ATG4C: variants seen among roughly 807,000 people sequenced by gnomAD.
ATG4C encodes autophagy related 4C cysteine peptidase.
Under a neutral mutation model 57.6 loss-of-function variants are expected in ATG4C, and 56 were observed. The observed-to-expected ratio is 0.97, with a 90% CI of 0.78 to 1.21. ATG4C has a LOEUF of 1.21. ATG4C is among the 50% of genes most tolerant of loss of function. The pLI is 0.00. For missense variants in ATG4C, 595 were observed against 529.8 expected (o/e 1.12, Z -1.21); for synonymous variants, 157 against 174.1 (o/e 0.90, Z 0.78).
chr1:62,864,052 A>G lies in ATG4C; in HGVS notation c.1270A>G (p.Arg424Gly). The G allele has an allele frequency of 6.3e-7, 1 of 1,599,066 alleles. No homozygotes were observed. The highest frequency in any genetic ancestry group is 1.1e-5 in the South Asian group (1 of 88,006). Residue 424 changes from arginine (R) to glycine (G), a missense_variant, in exon 11 of 11, where the codon AGA (arginine) becomes GGA (glycine). By Grantham distance (125) the Arg-to-Gly change is moderately radical. Transcript: ENST00000317868. ...PLFTFVNGHS[R>G]DYDFTSTTTN... ...ATTTACTTTTGTAAATGGTCATTCC[A>G]GAGACTATGATTTTACATCTACTAC...
intron 10 of ATG4C, among the ~76,000 whole-genome samples, chr1:62,855,698 C>T (rs1341641441): frequency 6.6e-6 from 1 of 152,144 alleles, no homozygotes; most frequent in East Asian, 1.9e-4. Flanking sequence ...CCAACCAAAC[C>T]TTCTGAGATA....
intron 9 of ATG4C, among the ~76,000 whole-genome samples, chr1:62,839,268 A>G (rs898119472): frequency 6.6e-6 from 1 of 152,148 alleles, no homozygotes; most frequent in Non-Finnish European, 1.5e-5. Flanking sequence ...ATGATGCACA[A>G]GCTGGTTTCA....
chr1:62,821,911 G>A lies in ATG4C; in HGVS notation c.796+702G>A, dbSNP rs183829728. 2.8e-3 allele frequency among the ~76,000 whole-genome samples: 426 copies of A among 152,152 alleles called. 5 individuals carry two copies. The highest frequency in any genetic ancestry group is 9.8e-3 in the African/African-American group (408 of 41,516). On this transcript the variant is annotated intron_variant, in intron 6 of 10. Transcript: ENST00000317868. The stretch of plus-strand genomic sequence containing the variant: ...TTATGCATGAGACCAAGTTTTGACC[G>A]TGTTTTGATTGCAACCCATCACATG...
At chr1:62,811,931 T>A (rs1665099380) in intron 3 of ATG4C, among the ~76,000 whole-genome samples, 1 of 152,174 alleles carries the variant, frequency 6.6e-6, no homozygotes. Flanking sequence ...TTATTATACA[T>A]CATTTTGCTT....
chr1:62,796,207 GTTTTTT>G (rs60552573), intron 1 of ATG4C, among the ~76,000 whole-genome samples: 6 of 91,162 alleles, frequency 6.6e-5, no homozygotes, highest in African/African-American at 2.6e-4. Flanking sequence ...ATTTGTGTGG[GTTTTTT>G]TTTTTTTTTT....
intron 1 of ATG4C, among the ~76,000 whole-genome samples, chr1:62,787,069 G>T (rs925969595): frequency 1.3e-5 from 2 of 152,158 alleles, no homozygotes; most frequent in Non-Finnish European, 2.9e-5. Flanking sequence ...AAGGATTGTT[G>T]CACCCTTCAC....
intron 1 of ATG4C, among the ~76,000 whole-genome samples, chr1:62,793,617 A>AC (rs1664363028): frequency 2.7e-5 from 4 of 148,424 alleles, no homozygotes; most frequent in Admixed American, 6.9e-5. Flanking sequence ...AAAAAAAAAA[A>AC]AAACCAAAAA....
chr1:62,839,243 A>G (rs1666095121), intron 9 of ATG4C, among the ~76,000 whole-genome samples: 1 of 152,100 alleles, frequency 6.6e-6, no homozygotes, highest in Non-Finnish European at 1.5e-5. Context: ...TTTTTTTTAG[A>G]GGTGGGGTCT....
At chr1:62,853,947 CTCT>C (rs1666598203) in intron 10 of ATG4C, among the ~76,000 whole-genome samples, 1 of 152,014 alleles carries the variant, frequency 6.6e-6, no homozygotes, top group South Asian at 2.1e-4. Flanking sequence ...CCTAGTTTTT[CTCT>C]TTTTTCCTTT....
intron 10 of ATG4C, among the ~76,000 whole-genome samples, chr1:62,850,848 A>G (rs61767095): frequency 0.023 from 853 of 37,628 alleles, 18 homozygotes; most frequent in Non-Finnish European, 0.032. Context: ...ATGTGTGTGT[A>G]TGTATGTATA....
rs147201738 is a variant in ATG4C, at chr1:62,860,912, A to T, written c.1210-3080A>T. ...TGGTTCTATTTCTGTCCTACCAACT[A>T]CTAGCTTTATTATGGTATACATTGC... On this transcript the variant is annotated intron_variant, in intron 10 of 10. Transcript: ENST00000317868. Among the ~76,000 whole-genome samples the T allele has an allele frequency of 3.6e-3, 551 of 152,290 alleles. 17 individuals carry two copies. The highest frequency in any genetic ancestry group is 0.034 in the Admixed American group (524 of 15,298).
intron 1 of ATG4C, among the ~76,000 whole-genome samples, chr1:62,796,877 G>A (rs1008507515): frequency 6.6e-6 from 1 of 152,200 alleles, no homozygotes; most frequent in African/African-American, 2.4e-5. Context: ...GGAGGCCAAC[G>A]TGGGCGAATC....
At chr1:62,814,414 G>C (rs1217932479) in intron 3 of ATG4C, among the ~76,000 whole-genome samples, 1 of 152,098 alleles carries the variant, frequency 6.6e-6, no homozygotes, top group Non-Finnish European at 1.5e-5. Context: ...ATGGAGACTG[G>C]GAGGGGAACA....
Position 62,864,865 on chromosome 1 carries a change from T to C in ATG4C, c.*706T>C, listed in dbSNP as rs1666958666. On this transcript the variant is annotated 3_prime_UTR_variant, in exon 11 of 11. Transcript: ENST00000317868. ...AAGTCAGATAAAGGCAACTATAAAA[T>C]AGTAGTAGTGTTTGTTTCCTATCTC... 2 of 152,038 alleles carry C rather than the reference T, an allele frequency of 1.3e-5. No homozygotes were observed. Among genetic ancestry groups the C allele is most frequent in the South Asian group, 2.1e-4 (1 of 4,824 alleles). The allele number at this position is 152,038 out of a possible 1,614,324, so 9.4% of individuals were successfully genotyped here. A position where few individuals can be genotyped will look rare whatever the true frequency, so the allele number is the denominator to read the frequency against.
intron 3 of ATG4C, among the ~76,000 whole-genome samples, chr1:62,811,976 T>A (rs1466459561): frequency 6.6e-6 from 1 of 152,058 alleles, no homozygotes; most frequent in Non-Finnish European, 1.5e-5. Flanking sequence ...TTGACAACAT[T>A]AAGTGAGGAC....
At chr1:62,806,756 G>A (rs1045279842) in intron 3 of ATG4C, among the ~76,000 whole-genome samples, 1 of 152,146 alleles carries the variant, frequency 6.6e-6, no homozygotes, top group Non-Finnish European at 1.5e-5. Context: ...AGTAAAGTCA[G>A]TTAAGCTCAT....
chr1:62,787,051 A>T (rs11208029), intron 1 of ATG4C, among the ~76,000 whole-genome samples: 1 of 152,094 alleles, frequency 6.6e-6, no homozygotes, highest in Non-Finnish European at 1.5e-5. Flanking sequence ...TTTGGCTTAT[A>T]TAACTGGAAG....
intron 1 of ATG4C, among the ~76,000 whole-genome samples, chr1:62,789,078 G>C (rs1183245610): frequency 6.6e-6 from 1 of 152,086 alleles, no homozygotes; most frequent in Non-Finnish European, 1.5e-5. Flanking sequence ...TGGATATTCT[G>C]TTTTGCAGGT....
At chr1:62,843,401 A>G (rs1199209351) in intron 10 of ATG4C, among the ~76,000 whole-genome samples, 1 of 152,184 alleles carries the variant, frequency 6.6e-6, no homozygotes, top group Non-Finnish European at 1.5e-5. Context: ...AAAACTCACC[A>G]TGTCAGTTAA....
Sources: allele counts gnomAD v4.1 joint callset (sites outside exome capture counted in the v4.1 genomes callset), GRCh38; gene constraint gnomAD v4.1.1; transcripts MANE v1.5; gene names NCBI Gene and HGNC (gene_info 2026-07-23, HGNC 2026-07-21).